Variants in GNA12 observed in about 807,000 individuals in gnomAD.
The protein encoded by GNA12 is G protein subunit alpha 12.
GNA12 carries 9 observed loss-of-function variants against 26.0 expected under a neutral mutation model. That is an observed-to-expected ratio of 0.35 (90% confidence interval 0.21 to 0.60). The LOEUF (loss-of-function observed/expected upper bound fraction) is 0.60, where lower values mean the gene tolerates loss of function less well. Ranked by LOEUF, GNA12 falls within the 20% of genes least tolerant of loss-of-function variation. GNA12 has a pLI of 0.78. For synonymous variants in GNA12, 264 were observed against 219.6 expected, an observed-to-expected ratio of 1.20 and a Z score of -1.79; for missense variants, 405 against 525.8, an observed-to-expected ratio of 0.77 and a Z score of 2.25.
rs1024334090 is a variant in GNA12, at chr7:2,745,719, A to G, written c.526-12218T>C. Among the ~76,000 whole-genome samples the G allele has an allele frequency of 2.0e-5, 3 of 152,234 alleles. No homozygotes were observed. The South Asian group carries it at 6.2e-4, about 31-fold the overall frequency. ...TAAATGCTCCAATTAAAAGACACAG[A>G]CTGGCAAATTGGATAAAGAGTCAAG... On this transcript the variant is annotated intron_variant, in intron 2 of 3. Coordinates refer to ENST00000275364, the MANE Select transcript of GNA12 (RefSeq NM_007353.3).
intron 1 of GNA12, among the ~76,000 whole-genome samples, chr7:2,799,872 C>T (rs1035209866): frequency 9.2e-5 from 14 of 152,266 alleles, no homozygotes; most frequent in East Asian, 3.9e-4. Flanking sequence ...AGACAACCAG[C>T]GGCAACACCA....
At chr7:2,807,797 A>T (rs993005879) in intron 1 of GNA12, among the ~76,000 whole-genome samples, 2 of 152,230 alleles carry the variant, frequency 1.3e-5, no homozygotes, top group African/African-American at 4.8e-5. Flanking sequence ...ACATGGCAAT[A>T]ATTAAATATC....
At chr7:2,819,941 T>C (rs1793312333) in intron 1 of GNA12, among the ~76,000 whole-genome samples, 1 of 152,112 alleles carries the variant, frequency 6.6e-6, no homozygotes, top group Non-Finnish European at 1.5e-5. Flanking sequence ...TATAGCAACA[T>C]CATTCATAAC....
intron 1 of GNA12, among the ~76,000 whole-genome samples, chr7:2,833,312 G>C (rs1312383578): frequency 1.3e-5 from 2 of 152,138 alleles, no homozygotes; most frequent in African/African-American, 2.4e-5. Flanking sequence ...TACATCTCTA[G>C]ATAAGGCCGA....
chr7:2,811,233 C>T (rs1478060999), intron 1 of GNA12, among the ~76,000 whole-genome samples: 1 of 152,126 alleles, frequency 6.6e-6, no homozygotes. Context: ...GTGGGGCTGA[C>T]TTCTGTGCAC....
intron 1 of GNA12, among the ~76,000 whole-genome samples, chr7:2,814,022 T>C (rs997051986): frequency 7.9e-5 from 12 of 152,236 alleles, no homozygotes; most frequent in African/African-American, 2.4e-4. Context: ...CCGCCGGAGC[T>C]TGGACATCTC....
chr7:2,746,874 G>C (rs1790789952), intron 2 of GNA12, among the ~76,000 whole-genome samples: 1 of 152,184 alleles, frequency 6.6e-6, no homozygotes, highest in South Asian at 2.1e-4. Context: ...ACTACCATCA[G>C]AGAATACTAT....
intron 1 of GNA12, among the ~76,000 whole-genome samples, chr7:2,827,389 A>C (rs1793509823): frequency 6.6e-6 from 1 of 152,210 alleles, no homozygotes; most frequent in African/African-American, 2.4e-5. Context: ...ATGGTATGTG[A>C]ATTTTACCTC....
At position 2,730,167 on chromosome 7, in the gene GNA12, C is replaced by G. The variant is rs1460610170; in HGVS notation, c.*1014G>C. Reference sequence around the variant, plus strand: ...CAAGCAGCTGGGGCATTAACAAAAGCTCTGCTAGTGGCCTTGCCAGCTTTC... The same window carrying G: ...CAAGCAGCTGGGGCATTAACAAAAGGTCTGCTAGTGGCCTTGCCAGCTTTC... On this transcript the variant is annotated 3_prime_UTR_variant, in exon 4 of 4. Coordinates refer to ENST00000275364, the MANE Select transcript of GNA12 (RefSeq NM_007353.3). The G allele has an allele frequency of 6.6e-6, 1 of 152,398 alleles. No homozygotes were observed. Among genetic ancestry groups the G allele is most frequent in the Admixed American group, 6.5e-5 (1 of 15,280 alleles). 9.4% of individuals were successfully genotyped at this position (152,398 alleles called of 1,614,324 possible).
chr7:2,839,945 C>G (rs1778942193), intron 1 of GNA12, among the ~76,000 whole-genome samples: 1 of 152,146 alleles, frequency 6.6e-6, no homozygotes, highest in African/African-American at 2.4e-5. Flanking sequence ...TTGCAGTGAG[C>G]TGAGATTGTG....
In GNA12 at chr7:2,798,398, G is replaced by A. The variant is rs77317551; in HGVS notation, c.310-3255C>T. Among the ~76,000 whole-genome samples the A allele has an allele frequency of 8.5e-3, 1,300 of 152,264 alleles. 8 individuals carry two copies. The highest frequency in any genetic ancestry group is 0.014 in the Non-Finnish European group (967 of 68,022). ...CTTTCTATATACTAGCAATGAACAT[G>A]TGGAAAGTGAAATGAAAGATGTACT... On this transcript the variant is annotated intron_variant, in intron 1 of 3. Transcript: ENST00000275364.
chr7:2,757,821 G>A (rs1332795538), intron 2 of GNA12, among the ~76,000 whole-genome samples: 1 of 152,138 alleles, frequency 6.6e-6, no homozygotes, highest in Non-Finnish European at 1.5e-5. Context: ...CGCTTGCTGA[G>A]TCAATGAAGA....
intron 2 of GNA12, among the ~76,000 whole-genome samples, chr7:2,737,099 G>A (rs1200217754): frequency 6.6e-6 from 1 of 152,100 alleles, no homozygotes; most frequent in Non-Finnish European, 1.5e-5. Flanking sequence ...ACTGGGGAGT[G>A]AGAGGAAAAG....
intron 1 of GNA12, among the ~76,000 whole-genome samples, chr7:2,837,844 A>G (rs1778884392): frequency 1.3e-5 from 2 of 152,158 alleles, no homozygotes; most frequent in South Asian, 4.1e-4. Flanking sequence ...AGGTAATAAA[A>G]AAAAAAGGGA....
intron 1 of GNA12, 118 bp from the exon 2 acceptor site, chr7:2,795,261 G>C (rs765732113): frequency 8.0e-5 from 60 of 745,902 alleles, no homozygotes; most frequent in Non-Finnish European, 1.2e-4. Context: ...GCTCTGAGCT[G>C]TGCAGCCTGA....
chr7:2,813,168 G>A (rs946400203), intron 1 of GNA12, among the ~76,000 whole-genome samples: 2 of 152,162 alleles, frequency 1.3e-5, no homozygotes, highest in Non-Finnish European at 2.9e-5. Flanking sequence ...TGATCCTCCT[G>A]CCTGGTATCC....
At chr7:2,762,588 A>C (rs1791613353) in intron 2 of GNA12, 4 of 1,500,178 alleles carry the variant, frequency 2.7e-6, no homozygotes, top group Non-Finnish European at 3.6e-6. Context: ...TTACATTTAC[A>C]AACCCAAAAA....
chr7:2,784,665 T>C (rs1792314943), intron 2 of GNA12, among the ~76,000 whole-genome samples: 2 of 152,216 alleles, frequency 1.3e-5, no homozygotes, highest in African/African-American at 2.4e-5. Flanking sequence ...GTTTCCACAA[T>C]GAGTGGCATG....
At chr7:2,808,592 A>G (rs1178391406) in intron 1 of GNA12, among the ~76,000 whole-genome samples, 1 of 152,170 alleles carries the variant, frequency 6.6e-6, no homozygotes, top group Non-Finnish European at 1.5e-5. Context: ...GAGATGCACC[A>G]TCCTGAGGTC....
Sources: allele counts gnomAD v4.1 joint callset (sites outside exome capture counted in the v4.1 genomes callset), GRCh38; gene constraint gnomAD v4.1.1; transcripts MANE v1.5; gene names NCBI Gene and HGNC (gene_info 2026-07-23, HGNC 2026-07-21).